The following SOBP variants were observed in gnomAD, a reference collection of about 807,000 sequenced individuals.
SOBP encodes the protein sine oculis binding protein homolog.
Under a neutral mutation model 53.6 loss-of-function variants are expected in SOBP, and 4 were observed. The observed-to-expected ratio is 0.07, with a 90% CI of 0.04 to 0.17. The LOEUF (loss-of-function observed/expected upper bound fraction) is 0.17, where lower values mean the gene tolerates loss of function less well. Among genes scored for constraint, SOBP ranks in the 10% least tolerant of loss-of-function variants. The pLI, the probability that SOBP is intolerant of heterozygous loss-of-function variation, is 1.00. For synonymous variants in SOBP, 584 were observed against 522.6 expected, an observed-to-expected ratio of 1.12 and a Z score of -1.60; for missense variants, 1,088 against 1,204.7, an observed-to-expected ratio of 0.90 and a Z score of 1.43.
At chr6:107,520,599 TC>T (rs1783454969) in intron 3 of SOBP, among the ~76,000 whole-genome samples, 1 of 152,172 alleles carries the variant, frequency 6.6e-6, no homozygotes, top group African/African-American at 2.4e-5. Flanking sequence ...GGATACCTTG[TC>T]CCAGGTCAAC....
At chr6:107,577,355 C>T (rs1300572248) in intron 4 of SOBP, among the ~76,000 whole-genome samples, 3 of 152,216 alleles carry the variant, frequency 2.0e-5, no homozygotes, top group Non-Finnish European at 2.9e-5. Context: ...GTGGACAGAG[C>T]AGAGGCTGGC....
At chr6:107,531,107 C>T (rs552142436) in intron 3 of SOBP, among the ~76,000 whole-genome samples, 3 of 152,354 alleles carry the variant, frequency 2.0e-5, no homozygotes, top group African/African-American at 7.2e-5. Flanking sequence ...TATTCTTTCT[C>T]ATCTCAGTGT....
At chr6:107,587,829 T>C (rs1303521670) in intron 5 of SOBP, among the ~76,000 whole-genome samples, 1 of 152,212 alleles carries the variant, frequency 6.6e-6, no homozygotes, top group Non-Finnish European at 1.5e-5. Flanking sequence ...GGAATGCCTA[T>C]TATATTTCTA....
chr6:107,619,340 C>A (rs948444117), intron 5 of SOBP, among the ~76,000 whole-genome samples: 3 of 152,154 alleles, frequency 2.0e-5, no homozygotes, highest in African/African-American at 7.2e-5. Context: ...TAAAAGAGTT[C>A]TGTTTTTGAA....
chr6:107,611,327 A>C (rs149890819), intron 5 of SOBP, among the ~76,000 whole-genome samples: 663 of 152,354 alleles, frequency 4.4e-3, no homozygotes, highest in Non-Finnish European at 7.3e-3. Context: ...TTTCAGGAAG[A>C]AAGGAAAAGG....
At chr6:107,530,768 C>T (rs1202364317) in intron 3 of SOBP, among the ~76,000 whole-genome samples, 1 of 152,072 alleles carries the variant, frequency 6.6e-6, no homozygotes, top group Non-Finnish European at 1.5e-5. Context: ...AAGGCAGATG[C>T]TAACCATCAT....
chr6:107,607,005 G>A (rs1475065771), intron 5 of SOBP, among the ~76,000 whole-genome samples: 2 of 152,208 alleles, frequency 1.3e-5, no homozygotes, highest in Non-Finnish European at 2.9e-5. Flanking sequence ...CCTGAGAAAG[G>A]GGACTGGGAA....
chr6:107,593,969 A>G (rs552910267), intron 5 of SOBP, among the ~76,000 whole-genome samples: 1 of 152,208 alleles, frequency 6.6e-6, no homozygotes, highest in African/African-American at 2.4e-5. Context: ...CGGCATCGCA[A>G]ATGTTGCTGA....
chr6:107,648,423 T>A (rs58837597), intron 6 of SOBP, among the ~76,000 whole-genome samples: 101,617 of 151,914 alleles, frequency 0.67, 37,161 homozygotes, highest in Non-Finnish European at 0.84. Flanking sequence ...GCTCCTGTAG[T>A]CACAGTGGGG....
At chr6:107,619,330 TAA>T (rs1184184976) in intron 5 of SOBP, among the ~76,000 whole-genome samples, 1 of 152,160 alleles carries the variant, frequency 6.6e-6, no homozygotes, top group Non-Finnish European at 1.5e-5. Flanking sequence ...ACTTTAAAAA[TAA>T]AAGAGTTCTG....
chr6:107,566,724 G>A (rs1784927461), intron 4 of SOBP, among the ~76,000 whole-genome samples: 1 of 152,176 alleles, frequency 6.6e-6, no homozygotes, highest in East Asian at 1.9e-4. Context: ...TCAACATTGT[G>A]TCCTCTCAGT....
intron 3 of SOBP, among the ~76,000 whole-genome samples, chr6:107,512,597 G>A (rs559956780): frequency 3.9e-5 from 6 of 152,204 alleles, no homozygotes; most frequent in Non-Finnish European, 7.3e-5. Flanking sequence ...CAGAGGTAGG[G>A]CAGGTTTGGG....
intron 4 of SOBP, 70 bp from the exon 5 acceptor site, chr6:107,587,010 G>C: frequency 8.5e-7 from 1 of 1,171,434 alleles, no homozygotes; most frequent in Non-Finnish European, 1.3e-6. Flanking sequence ...GATCTGAGCT[G>C]TTATGCTTTT....
At chr6:107,526,167 G>A (rs111323676) in intron 3 of SOBP, among the ~76,000 whole-genome samples, 3,508 of 152,028 alleles carry the variant, frequency 0.023, 139 homozygotes, top group African/African-American at 0.078. Context: ...TGGCCAGTCC[G>A]GTCTTGAACT....
chr6:107,620,296 A>G (rs1452898014), intron 5 of SOBP, among the ~76,000 whole-genome samples: 1 of 152,024 alleles, frequency 6.6e-6, no homozygotes, highest in African/African-American at 2.4e-5. Flanking sequence ...TTTGTGACCT[A>G]TGCTTCCCTG....
At chr6:107,614,024 T>C (rs1562101040) in intron 5 of SOBP, among the ~76,000 whole-genome samples, 1 of 152,206 alleles carries the variant, frequency 6.6e-6, no homozygotes, top group Non-Finnish European at 1.5e-5. Flanking sequence ...GTGTTTCATC[T>C]TGTGTCACAT....
intron 6 of SOBP, among the ~76,000 whole-genome samples, chr6:107,650,222 C>T (rs1771746916): frequency 6.6e-6 from 1 of 152,174 alleles, no homozygotes; most frequent in African/African-American, 2.4e-5. Context: ...GGGTGAGTAG[C>T]ATCACAGTGA....
intron 5 of SOBP, among the ~76,000 whole-genome samples, chr6:107,599,031 C>T (rs926304636): frequency 9.2e-5 from 14 of 151,920 alleles, no homozygotes; most frequent in African/African-American, 2.9e-4. Flanking sequence ...AAAGTAGGAA[C>T]GAAAGATTCT....
At chr6:107,621,232 T>C (rs1267359414) in intron 5 of SOBP, 6 of 397,730 alleles carry the variant, frequency 1.5e-5, no homozygotes, top group African/African-American at 1.3e-4. Flanking sequence ...TCACACCATT[T>C]AACAGTTCAG....
Sources: allele counts gnomAD v4.1 joint callset (sites outside exome capture counted in the v4.1 genomes callset), GRCh38; gene constraint gnomAD v4.1.1; transcripts MANE v1.5; gene names NCBI Gene and HGNC (gene_info 2026-07-23, HGNC 2026-07-21).